ATIC: variants seen among roughly 807,000 people sequenced by gnomAD.
ATIC encodes 5-aminoimidazole-4-carboxamide ribonucleotide formyltransferase/IMP cyclohydrolase, also known as bifunctional purine biosynthesis protein ATIC.
Under a neutral mutation model 72.5 loss-of-function variants are expected in ATIC, and 64 were observed. The ratio of observed to expected loss-of-function variants is 0.88; its 90% CI spans 0.72 to 1.09. ATIC has a LOEUF of 1.09. Among genes scored for constraint, ATIC ranks in the 50% least tolerant of loss-of-function variants. The probability of loss-of-function intolerance (pLI) is 0.00; values close to 1 mark genes in which losing one functional copy is unlikely to be tolerated. For missense variants in ATIC, 787 were observed against 732.4 expected (o/e 1.07, Z -0.86); for synonymous variants, 281 against 267.1 (o/e 1.05, Z -0.51).
At chr2:215,356,887 A>T in the ATIC span, among the ~76,000 whole-genome samples, 2 of 152,216 alleles carry the variant, frequency 1.3e-5, no homozygotes, top group South Asian at 4.1e-4. Flanking sequence ...TGATGCTGCT[A>T]TGAACATCTG....
intron 2 of ATIC, among the ~76,000 whole-genome samples, chr2:215,313,797 G>A (rs892164279): frequency 4.6e-5 from 7 of 151,982 alleles, no homozygotes; most frequent in African/African-American, 1.7e-4. Flanking sequence ...GTATATTTTC[G>A]GATGTCTTTT....
In ATIC at chr2:215,314,530, C is replaced by T. The variant is rs551221108; in HGVS notation, c.146+1906C>T. Reference sequence around the variant, plus strand: ...TTTTTTTCTCTGAGATAGAGTTTCACTCTTGTTGCTCAGGCTGGAGTGCAA... The same window carrying T: ...TTTTTTTCTCTGAGATAGAGTTTCATTCTTGTTGCTCAGGCTGGAGTGCAA... On this transcript the variant is annotated intron_variant, in intron 2 of 15. Transcript: ENST00000236959. Among the ~76,000 whole-genome samples, 62 of 150,706 alleles carry T rather than the reference C, an allele frequency of 4.1e-4. No homozygotes were observed. In the South Asian group the frequency reaches 9.1e-3, roughly 22 times the overall value.
chr2:215,350,309 G>A (rs2053120605), downstream of ATIC, among the ~76,000 whole-genome samples: 1 of 152,074 alleles, frequency 6.6e-6, no homozygotes, highest in African/African-American at 2.4e-5. Context: ...GCTAATTTTT[G>A]TATTTAGTAG....
At chr2:215,364,772 A>T in the ATIC span, 1 of 753,150 alleles carries the variant, frequency 1.3e-6, no homozygotes, top group Non-Finnish European at 2.3e-6. Context: ...GTGGTATTTT[A>T]ATACTTCCGA....
chr2:215,351,584 T>TA (rs943869655), downstream of ATIC, among the ~76,000 whole-genome samples: 1 of 149,644 alleles, frequency 6.7e-6, no homozygotes, highest in African/African-American at 2.4e-5. Context: ...TCCTCATCTC[T>TA]AAAAAAAGAG....
intron 11 of ATIC, among the ~76,000 whole-genome samples, chr2:215,336,674 T>C (rs1306064712): frequency 1.3e-5 from 2 of 152,246 alleles, no homozygotes; most frequent in African/African-American, 2.4e-5. Flanking sequence ...TTCACCTTCT[T>C]GGAAGTTTGT....
chr2:215,329,475 GA>G (rs2052866363), intron 7 of ATIC, among the ~76,000 whole-genome samples: 1 of 152,124 alleles, frequency 6.6e-6, no homozygotes, highest in African/African-American at 2.4e-5. Flanking sequence ...TTCCACAATA[GA>G]AAAGGCACTT....
At chr2:215,344,966 G>T in intron 13 of ATIC, 95 bp downstream of exon 13, 5 of 1,294,834 alleles carry the variant, frequency 3.9e-6, no homozygotes, top group Non-Finnish European at 5.5e-6. Flanking sequence ...AGCTTGAAAG[G>T]GAATATTTGC....
intron 10 of ATIC, among the ~76,000 whole-genome samples, chr2:215,335,280 C>T (rs16853813): frequency 0.21 from 31,771 of 152,024 alleles, 3,616 homozygotes; most frequent in East Asian, 0.5. Context: ...GCCAAAGTTA[C>T]TGTTTCTGAA....
At chr2:215,356,742 TA>T in the ATIC span, among the ~76,000 whole-genome samples, 1 of 152,214 alleles carries the variant, frequency 6.6e-6, no homozygotes, top group African/African-American at 2.4e-5. Context: ...CTTAGCATAA[TA>T]TTTTAAAGGT....
chr2:215,317,779 G>T (rs1228683555), intron 2 of ATIC, among the ~76,000 whole-genome samples: 1 of 152,088 alleles, frequency 6.6e-6, no homozygotes, highest in Non-Finnish European at 1.5e-5. Context: ...ATGAGCCACC[G>T]TGCCCGGCCA....
chr2:215,316,417 T>C (rs933652850), intron 2 of ATIC, among the ~76,000 whole-genome samples: 1 of 152,156 alleles, frequency 6.6e-6, no homozygotes, highest in African/African-American at 2.4e-5. Flanking sequence ...ATTCCGTATC[T>C]TACTGGCAGA....
chr2:215,352,168 A>G (rs1324330450), downstream of ATIC, among the ~76,000 whole-genome samples: 1 of 152,246 alleles, frequency 6.6e-6, no homozygotes, highest in East Asian at 1.9e-4. Context: ...TAAAGTGTTT[A>G]GTTAATATGT....
At chr2:215,335,721 T>C (rs2052946676) in intron 10 of ATIC, among the ~76,000 whole-genome samples, 1 of 152,362 alleles carries the variant, frequency 6.6e-6, no homozygotes, top group African/African-American at 2.4e-5. Context: ...TAGAATGTGC[T>C]CTTGCTCATT....
chr2:215,344,981 T>C (rs1419945197), intron 13 of ATIC, 110 bp downstream of exon 13: 4 of 1,184,206 alleles, frequency 3.4e-6, no homozygotes, highest in Non-Finnish European at 4.9e-6. Context: ...ATTTGCCAAA[T>C]GTTTGTCTTT....
intron 12 of ATIC, among the ~76,000 whole-genome samples, chr2:215,340,532 A>G (rs1431473164): frequency 1.3e-5 from 2 of 152,198 alleles, no homozygotes; most frequent in African/African-American, 4.8e-5. Flanking sequence ...TGGGTATGAA[A>G]AAACTGTAGC....
the ATIC span, chr2:215,362,041 T>C: frequency 6.2e-7 from 1 of 1,614,120 alleles, no homozygotes; most frequent in South Asian, 1.1e-5. Context: ...CGGGACTGGG[T>C]TCACCCCCAG....
In ATIC at chr2:215,326,881, C is replaced by T. The variant is rs772435425; in HGVS notation, c.591C>T (p.Tyr197=). ...TTTCAGATTATTTCAGGAAACAGTA[C>T]AGCAAAGGCGTATCTCAGATGCCCT... The part of the protein sequence containing the change: ...EAISDYFRKQ[Y]SKGVSQMPLR... Residue 197 remains tyrosine (Y), a synonymous_variant, in exon 7 of 16, where the codon TAC becomes TAT. Transcript: ENST00000236959. 6.2e-7 allele frequency: 1 copy of T among 1,614,106 alleles called. No homozygotes were observed.
At chr2:215,322,322 TTTC>T (rs1316250650) in intron 4 of ATIC, among the ~76,000 whole-genome samples, 2 of 150,574 alleles carry the variant, frequency 1.3e-5, no homozygotes, top group Non-Finnish European at 2.9e-5. Flanking sequence ...TTGTGTATAT[TTTC>T]TTTCTTTTTT....
Sources: allele counts gnomAD v4.1 joint callset (sites outside exome capture counted in the v4.1 genomes callset), GRCh38; gene constraint gnomAD v4.1.1; transcripts MANE v1.5; gene names NCBI Gene and HGNC (gene_info 2026-07-23, HGNC 2026-07-21).